Variants in BTRC observed in about 807,000 individuals in gnomAD.
BTRC encodes the protein F-box/WD repeat-containing protein 1A.
BTRC carries 42 observed loss-of-function variants against 85.5 expected under a neutral mutation model. The observed-to-expected ratio is 0.49, with a 90% CI of 0.38 to 0.64. The LOEUF is 0.64. Ranked by LOEUF, BTRC falls within the 30% of genes least tolerant of loss-of-function variation. The pLI, the probability that BTRC is intolerant of heterozygous loss-of-function variation, is 0.00. For missense variants in BTRC, 594 were observed against 743.5 expected (o/e 0.80, Z 2.34); for synonymous variants, 255 against 263.3 (o/e 0.97, Z 0.30).
At chr10:101,429,031 AC>A (rs1167308038) in intron 1 of BTRC, among the ~76,000 whole-genome samples, 1 of 152,200 alleles carries the variant, frequency 6.6e-6, no homozygotes, top group Non-Finnish European at 1.5e-5. Context: ...TCCCAATATT[AC>A]TTTCTACAAC....
At chr10:101,421,263 T>G in intron 1 of BTRC, among the ~76,000 whole-genome samples, 1 of 152,186 alleles carries the variant, frequency 6.6e-6, no homozygotes, top group South Asian at 2.1e-4. Flanking sequence ...ATTTCTTTAT[T>G]TAGTTTGTGT....
At chr10:101,410,915 T>C (rs1943759024) in intron 1 of BTRC, among the ~76,000 whole-genome samples, 1 of 152,154 alleles carries the variant, frequency 6.6e-6, no homozygotes, top group African/African-American at 2.4e-5. Flanking sequence ...TGTAACTTAT[T>C]ATTTTTGCTT....
At chr10:101,449,056 C>T (rs2134133406) in intron 2 of BTRC, among the ~76,000 whole-genome samples, 1 of 151,798 alleles carries the variant, frequency 6.6e-6, no homozygotes, top group East Asian at 1.9e-4. Context: ...TAAACAAGAC[C>T]AGTCCATATT....
intron 1 of BTRC, among the ~76,000 whole-genome samples, chr10:101,368,865 A>G (rs1942552612): frequency 6.6e-6 from 1 of 152,078 alleles, no homozygotes; most frequent in African/African-American, 2.4e-5. Context: ...CTAAAGGTAC[A>G]AAAGTTAGCT....
chr10:101,507,970 T>C (rs1946585038), intron 4 of BTRC, among the ~76,000 whole-genome samples: 1 of 152,224 alleles, frequency 6.6e-6, no homozygotes, highest in African/African-American at 2.4e-5. Flanking sequence ...ATTAAACTGC[T>C]GTGAATTTCT....
At chr10:101,360,688 G>C (rs1942181189) in intron 1 of BTRC, among the ~76,000 whole-genome samples, 1 of 152,114 alleles carries the variant, frequency 6.6e-6, no homozygotes, top group African/African-American at 2.4e-5. Flanking sequence ...ATGGGATCTT[G>C]CTTGCTCTGT....
chr10:101,518,102 CG>C lies in BTRC; in HGVS notation c.325-3533del, dbSNP rs2062048390. On this transcript the variant is annotated intron_variant, in intron 4 of 14. Coordinates refer to ENST00000370187, the MANE Select transcript of BTRC (RefSeq NM_033637.4). ...TAATTTTTTGTATTTTTAGTAGAGA[CG>C]GGGTTTCACCGTTTTAGCCGGGATG... Among the ~76,000 whole-genome samples, 3 of 151,480 alleles carry C rather than the reference CG, an allele frequency of 2.0e-5. 1 individual carries two copies. The South Asian group carries it at 6.3e-4, about 32-fold the overall frequency.
At chr10:101,424,174 C>G (rs1339288835) in intron 1 of BTRC, among the ~76,000 whole-genome samples, 1 of 152,040 alleles carries the variant, frequency 6.6e-6, no homozygotes, top group Non-Finnish European at 1.5e-5. Flanking sequence ...GCGGAGGTTG[C>G]AGTGAGCCGA....
intron 6 of BTRC, 67 bp downstream of exon 6, chr10:101,526,266 T>C: frequency 6.8e-7 from 1 of 1,476,954 alleles, no homozygotes; most frequent in Non-Finnish European, 9.2e-7. Flanking sequence ...CACTGAAAGA[T>C]TTTTGGGGAG....
intron 2 of BTRC, among the ~76,000 whole-genome samples, chr10:101,434,694 T>C (rs1187937259): frequency 1.3e-5 from 2 of 152,154 alleles, no homozygotes; most frequent in East Asian, 1.9e-4. Flanking sequence ...CTCAGGAAGC[T>C]GAGGCGGGAG....
chr10:101,399,038 C>T (rs1038559907), intron 1 of BTRC, among the ~76,000 whole-genome samples: 2 of 152,128 alleles, frequency 1.3e-5, no homozygotes, highest in African/African-American at 2.4e-5. Context: ...CTGCAACGTC[C>T]GCCTCCTGGG....
chr10:101,551,020 C>T, intron 14 of BTRC, 129 bp downstream of exon 14: 6 of 813,522 alleles, frequency 7.4e-6, no homozygotes, highest in East Asian at 2.7e-5. Flanking sequence ...AGGAAGCAGA[C>T]AATGTGAGAC....
chr10:101,538,321 G>C lies in BTRC; in HGVS notation c.1606G>C (p.Ala536Pro). 1 of 1,614,086 alleles carries C rather than the reference G, an allele frequency of 6.2e-7. No homozygotes were observed. The highest frequency in any genetic ancestry group is 8.5e-7 in the Non-Finnish European group (1 of 1,179,970). ...GKIKVWDLVAALDPRAPAGTL... is the reference protein window; with the variant it reads ...GKIKVWDLVAPLDPRAPAGTL... ...AATTAAAGTGTGGGATCTTGTGGCT[G>C]CTTTGGACCCCCGTGCTCCTGCAGG... Residue 536 changes from alanine to proline, a missense_variant, in exon 13 of 15, where the codon GCT becomes CCT. Around this residue, in one of 4 missense-constraint regions of BTRC, gnomAD observed 373 missense variants for 503.6 expected, o/e 0.74. Transcript: ENST00000370187.
At chr10:101,538,594 T>TAACAGCTGCACAGCAACTC (rs1398110499) in intron 13 of BTRC, among the ~76,000 whole-genome samples, 9 of 152,164 alleles carry the variant, frequency 5.9e-5, no homozygotes, top group African/African-American at 1.7e-4. Context: ...GGCAGCTGTT[T>TAACAGCTGCACAGCAACTC]AACAGCTGCA....
Position 101,533,086 on chromosome 10 carries a change from T to C in BTRC, c.1097+16T>C, listed in dbSNP as rs764054969. 1.2e-5 allele frequency: 19 copies of C among 1,557,894 alleles called. No individual in the cohort carries two copies. The South Asian group carries it at 1.9e-4, about 16-fold the overall frequency. On this transcript the variant is annotated intron_variant, in intron 9 of 14. Coordinates refer to ENST00000370187, the MANE Select transcript of BTRC (RefSeq NM_033637.4). ...CCACGGTCAGGTAGAAAATTTCAAA[T>C]GCTTTTTTGAACTCTGAAATATCAG... is the stretch of plus-strand genomic sequence containing the variant.
At chr10:101,370,798 C>G (rs1942613092) in intron 1 of BTRC, among the ~76,000 whole-genome samples, 1 of 152,052 alleles carries the variant, frequency 6.6e-6, no homozygotes, top group Admixed American at 6.6e-5. Flanking sequence ...TCTCAAGCTC[C>G]TGGGCTCAAG....
intron 13 of BTRC, among the ~76,000 whole-genome samples, chr10:101,543,758 T>TC (rs1344023561): frequency 6.6e-6 from 1 of 152,166 alleles, no homozygotes; most frequent in Non-Finnish European, 1.5e-5. Flanking sequence ...TTGTACCACT[T>TC]CATGTATAAT....
intron 2 of BTRC, among the ~76,000 whole-genome samples, chr10:101,448,497 G>A (rs919342425): frequency 6.6e-6 from 1 of 152,066 alleles, no homozygotes; most frequent in East Asian, 1.9e-4. Context: ...GAATTGGTGT[G>A]TATAACCTTT....
chr10:101,533,384 T>C lies in BTRC; in HGVS notation c.1097+314T>C, dbSNP rs1446234114. ...AAAACCACCTCACGGGGGAATGATA[T>C]GAATGCAATGAAGCCTTCCTTTCAG... On this transcript the variant is annotated intron_variant, in intron 9 of 14. Coordinates refer to ENST00000370187, the MANE Select transcript of BTRC (RefSeq NM_033637.4). Among the ~76,000 whole-genome samples, 6 of 152,340 alleles carry C rather than the reference T, an allele frequency of 3.9e-5. No individual in the cohort carries two copies. In the South Asian group the frequency reaches 8.3e-4, roughly 21 times the overall value.
Sources: gnomAD v4.1 joint callset for allele counts (sites outside exome capture counted in the v4.1 genomes callset) on GRCh38, gnomAD v4.1.1 for gene constraint, gnomAD v4.1.1 regional missense constraint, MANE v1.5 for transcripts, NCBI Gene and HGNC (gene_info 2026-07-23, HGNC 2026-07-21) for gene names.